The following FAM241A variants were observed in gnomAD, a reference collection of about 807,000 sequenced individuals.
FAM241A encodes the protein uncharacterized protein FAM241A.
In FAM241A, 7 loss-of-function variants were observed where a neutral mutation model predicts 12.2. The ratio of observed to expected loss-of-function variants is 0.58; its 90% confidence interval spans 0.33 to 1.08. FAM241A has a LOEUF of 1.08. Among genes scored for constraint, FAM241A ranks in the 50% least tolerant of loss-of-function variants. The pLI is 0.04. For synonymous variants in FAM241A, 74 were observed against 68.2 expected, an observed-to-expected ratio of 1.08 and a Z score of -0.42; for missense variants, 161 against 169.7, an observed-to-expected ratio of 0.95 and a Z score of 0.29.
intron 1 of FAM241A, among the ~76,000 whole-genome samples, chr4:112,151,560 C>T (rs1391524082): frequency 1.3e-5 from 2 of 152,150 alleles, no homozygotes; most frequent in East Asian, 3.8e-4. Context: ...TGAGATTTTG[C>T]ATCTCTACAA....
rs1328720065 is a variant in FAM241A at position 112,145,799 on chromosome 4, G to C, written c.153+66G>C. 12 of 1,028,120 alleles carry C rather than the reference G, an allele frequency of 1.2e-5. 1 individual carries two copies. In the South Asian group the frequency reaches 4.2e-4, roughly 36 times the overall value. 63.7% of individuals were successfully genotyped at this position (1,028,120 alleles called of 1,614,324 possible). On this transcript the variant is annotated intron_variant, in intron 1 of 1. Coordinates refer to ENST00000309733, the MANE Select transcript of FAM241A (RefSeq NM_152400.3). ...GGGCCGCGAGCCCCGCCCGGCGTTGGAGGGAAGGGGCCCGGCCCGCGGGCC... is the reference window on the plus strand; with the variant it reads ...GGGCCGCGAGCCCCGCCCGGCGTTGCAGGGAAGGGGCCCGGCCCGCGGGCC...
At chr4:112,172,336 G>A (rs945084248) in intron 1 of FAM241A, among the ~76,000 whole-genome samples, 1 of 152,152 alleles carries the variant, frequency 6.6e-6, no homozygotes, top group African/African-American at 2.4e-5. Context: ...AGATGAAGAG[G>A]AATACAAAGC....
At chr4:112,173,789 C>T (rs1387936546) in intron 1 of FAM241A, among the ~76,000 whole-genome samples, 1 of 152,082 alleles carries the variant, frequency 6.6e-6, no homozygotes, top group Non-Finnish European at 1.5e-5. Flanking sequence ...GATTCAGCCT[C>T]ACAGAAGTTG....
intron 1 of FAM241A, among the ~76,000 whole-genome samples, chr4:112,161,376 G>C (rs906540642): frequency 6.6e-6 from 1 of 152,086 alleles, no homozygotes; most frequent in Non-Finnish European, 1.5e-5. Flanking sequence ...CTAGGAGCTG[G>C]TTTTTTGAAA....
chr4:112,182,084 CAAAG>C (rs1723952564), intron 1 of FAM241A, among the ~76,000 whole-genome samples: 1 of 152,012 alleles, frequency 6.6e-6, no homozygotes, highest in Non-Finnish European at 1.5e-5. Flanking sequence ...GAAGGTAAAA[CAAAG>C]AGAATATGGT....
chr4:112,148,243 T>C (rs953093050), intron 1 of FAM241A, among the ~76,000 whole-genome samples: 11 of 152,272 alleles, frequency 7.2e-5, no homozygotes, highest in African/African-American at 2.2e-4. Context: ...TTTCCACTTC[T>C]GTCTGAAAGG....
intron 1 of FAM241A, among the ~76,000 whole-genome samples, chr4:112,157,218 T>G (rs772498622): frequency 4.6e-5 from 7 of 152,200 alleles, no homozygotes; most frequent in Non-Finnish European, 1.0e-4. Context: ...GAAGATATGT[T>G]GAAACGGATT....
intron 1 of FAM241A, among the ~76,000 whole-genome samples, chr4:112,146,763 G>A (rs985507351): frequency 6.6e-6 from 1 of 152,150 alleles, no homozygotes; most frequent in Non-Finnish European, 1.5e-5. Flanking sequence ...GTTTCAATAG[G>A]TTACTTAGGA....
intron 1 of FAM241A, among the ~76,000 whole-genome samples, chr4:112,166,812 T>C (rs1396370440): frequency 2.0e-5 from 3 of 152,198 alleles, no homozygotes; most frequent in Non-Finnish European, 4.4e-5. Flanking sequence ...AGGATTTTTT[T>C]CTGAAGATAT....
At chr4:112,183,941 C>A (rs1229136152) in intron 1 of FAM241A, among the ~76,000 whole-genome samples, 2 of 151,066 alleles carry the variant, frequency 1.3e-5, no homozygotes. Flanking sequence ...TAAAATTGAC[C>A]CAGTCATAAT....
chr4:112,168,473 G>T (rs1202971122), intron 1 of FAM241A, among the ~76,000 whole-genome samples: 1 of 152,092 alleles, frequency 6.6e-6, no homozygotes, highest in Admixed American at 6.5e-5. Context: ...AGCTGTTATT[G>T]TACAGGAAAC....
In FAM241A at chr4:112,145,509, C is replaced by T. The variant is rs925607287; in HGVS notation, c.-72C>T. On this transcript the variant is annotated 5_prime_UTR_variant, in exon 1 of 2. Coordinates refer to ENST00000309733, the MANE Select transcript of FAM241A (RefSeq NM_152400.3). The stretch of plus-strand genomic sequence containing the variant: ...GGCGGATCCCAGGGCAGCCTTCGGG[C>T]GGCGGCGCTGCCTGGTGCGTCGCGG... 4.2e-5 allele frequency: 50 copies of T among 1,187,406 alleles called. No homozygotes were observed. The East Asian group carries it at 1.6e-3, about 39-fold the overall frequency. 73.6% of individuals were successfully genotyped at this position (1,187,406 alleles called of 1,614,324 possible).
chr4:112,174,350 G>T (rs1353343754), intron 1 of FAM241A, among the ~76,000 whole-genome samples: 1 of 152,182 alleles, frequency 6.6e-6, no homozygotes, highest in African/African-American at 2.4e-5. Flanking sequence ...CAGGAGCCCT[G>T]CCCAGGAGGA....
intron 1 of FAM241A, among the ~76,000 whole-genome samples, chr4:112,180,285 C>G (rs1315789493): frequency 6.6e-6 from 1 of 151,948 alleles, no homozygotes; most frequent in Non-Finnish European, 1.5e-5. Flanking sequence ...GGAATATATA[C>G]CCCAAACCTC....
chr4:112,177,898 A>G lies in FAM241A; in HGVS notation c.154-8795A>G, dbSNP rs1384728086. On this transcript the variant is annotated intron_variant, in intron 1 of 1. Coordinates refer to ENST00000309733, the MANE Select transcript of FAM241A (RefSeq NM_152400.3). ...ACAACTATGCTCATGGGAGAATATA[A>G]TGAATATTGATATTACATTTAAGTT... 5.9e-5 allele frequency among the ~76,000 whole-genome samples: 9 copies of G among 152,238 alleles called. No homozygotes were observed. The East Asian group carries it at 1.7e-3, about 29-fold the overall frequency.
At chr4:112,152,420 G>C (rs1036553927) in intron 1 of FAM241A, among the ~76,000 whole-genome samples, 1 of 152,170 alleles carries the variant, frequency 6.6e-6, no homozygotes, top group Non-Finnish European at 1.5e-5. Flanking sequence ...CCTTTGAGTT[G>C]TCAAAAGTAA....
chr4:112,162,925 A>C (rs939057053), intron 1 of FAM241A, among the ~76,000 whole-genome samples: 4 of 152,258 alleles, frequency 2.6e-5, no homozygotes, highest in Non-Finnish European at 5.9e-5. Flanking sequence ...ACAAGGCTAC[A>C]GTAACCAAAA....
At chr4:112,154,304 G>C (rs1050611157) in intron 1 of FAM241A, among the ~76,000 whole-genome samples, 2 of 152,000 alleles carry the variant, frequency 1.3e-5, no homozygotes, top group African/African-American at 2.4e-5. Context: ...AGAGTCCTTT[G>C]TTGCCCAAGC....
chr4:112,190,458 G>A lies in FAM241A; in HGVS notation c.*3520G>A, dbSNP rs1395845074. 2 of 151,568 alleles carry A rather than the reference G, an allele frequency of 1.3e-5. No homozygotes were observed. The highest frequency in any genetic ancestry group is 4.8e-5 in the African/African-American group (2 of 41,254). The allele number at this position is 151,568 out of a possible 1,614,324, so 9.4% of individuals were successfully genotyped here. A position where few individuals can be genotyped will look rare whatever the true frequency, so the allele number is the denominator to read the frequency against. ...GACAGCACTTTGGGAGGCCGAAGCG[G>A]GCGGATCACCTGAGGTCGGGAGTTC... On this transcript the variant is annotated 3_prime_UTR_variant, in exon 2 of 2. Transcript: ENST00000309733.
Sources: gnomAD v4.1 joint callset for allele counts (sites outside exome capture counted in the v4.1 genomes callset) on GRCh38, gnomAD v4.1.1 for gene constraint, MANE v1.5 for transcripts, NCBI Gene and HGNC (gene_info 2026-07-23, HGNC 2026-07-21) for gene names.